The following EAF1 variants were observed in gnomAD, a reference collection of about 807,000 sequenced individuals.
The protein encoded by EAF1 is ELL-associated factor 1.
Under a neutral mutation model 26.6 loss-of-function variants are expected in EAF1, and 19 were observed. That is an observed-to-expected ratio of 0.71 (90% CI 0.50 to 1.05). EAF1 has a LOEUF of 1.05. Among genes scored for constraint, EAF1 ranks in the 50% least tolerant of loss-of-function variants. The pLI is 0.00. For synonymous variants in EAF1, 102 were observed against 120.6 expected (o/e 0.85, Z 1.01); for missense variants, 260 against 335.5 (o/e 0.78, Z 1.76).
chr3:15,435,386 CAT>C (rs1156246043), intron 4 of EAF1, among the ~76,000 whole-genome samples: 1 of 152,032 alleles, frequency 6.6e-6, no homozygotes, highest in Non-Finnish European at 1.5e-5. Context: ...AGTAGGGAAA[CAT>C]AAAGAGTTGT....
intron 2 of EAF1, among the ~76,000 whole-genome samples, chr3:15,431,373 G>A (rs1395467207): frequency 6.6e-6 from 1 of 152,192 alleles, no homozygotes; most frequent in Non-Finnish European, 1.5e-5. Flanking sequence ...TTTAAAGAGA[G>A]GGGGCAGGAT....
At chr3:15,436,949 G>A (rs1457776662) in intron 5 of EAF1, among the ~76,000 whole-genome samples, 1 of 152,124 alleles carries the variant, frequency 6.6e-6, no homozygotes, top group Non-Finnish European at 1.5e-5. Context: ...AGGCTGGAGT[G>A]CAATGGTGCA....
Position 15,436,430 on chromosome 3 carries a change from T to C in EAF1, c.615T>C (p.Asp205=), listed in dbSNP as rs777984333. The C allele has an allele frequency of 6.2e-7, 1 of 1,613,978 alleles. No homozygotes were observed. Among genetic ancestry groups the C allele is most frequent in the Admixed American group, 1.7e-5 (1 of 60,016 alleles). ...SSDSESSSGS[D]DDSSSSGGED... ...ACTCTGAGAGCTCTTCGGGAAGTGATGACGATAGCTCCAGCAGTGGAGGCG... is the reference window on the plus strand; with the variant it reads ...ACTCTGAGAGCTCTTCGGGAAGTGACGACGATAGCTCCAGCAGTGGAGGCG... The change falls in exon 5 of 6, where the codon GAT becomes GAC. Residue 205 remains aspartate, a synonymous_variant. Transcript: ENST00000396842.
chr3:15,427,758 G>T lies in EAF1; in HGVS notation c.-22G>T. 1.3e-6 allele frequency: 2 copies of T among 1,550,098 alleles called. No individual in the cohort carries two copies. Among genetic ancestry groups the T allele is most frequent in the East Asian group, 2.4e-5 (1 of 40,874 alleles). On this transcript the variant is annotated 5_prime_UTR_variant, in exon 1 of 6. Coordinates refer to ENST00000396842, the MANE Select transcript of EAF1 (RefSeq NM_033083.7). Reference sequence around the variant, plus strand: ...GCTGCACCGGGAGAGCGCCGATCTGGGTGCGAGGCAGGTGCGGGGCCATGA... The same window carrying T: ...GCTGCACCGGGAGAGCGCCGATCTGTGTGCGAGGCAGGTGCGGGGCCATGA...
rs1317915682 is a variant in EAF1, at chr3:15,439,374, A to G, written c.*219A>G. On this transcript the variant is annotated 3_prime_UTR_variant, in exon 6 of 6. Transcript: ENST00000396842. ...CAATCTCATCTTTCAAAGTTTAAGT[A>G]GACCTGTAGAAGAGCTAACAGAATT... The G allele has an allele frequency of 2.2e-6, 1 of 462,644 alleles. No individual in the cohort carries two copies. The highest frequency in any genetic ancestry group is 2.0e-5 in the African/African-American group (1 of 50,632). The allele number at this position is 462,644 out of a possible 1,614,324, so 28.7% of individuals were successfully genotyped here. A position where few individuals can be genotyped will look rare whatever the true frequency, so the allele number is the denominator to read the frequency against.
At chr3:15,437,264 T>C (rs1487805513) in intron 5 of EAF1, among the ~76,000 whole-genome samples, 33 of 124,112 alleles carry the variant, frequency 2.7e-4, no homozygotes, top group African/African-American at 9.2e-4. Flanking sequence ...TTTTTTTTTT[T>C]CCTTCAGACA....
At chr3:15,435,237 C>G (rs2061827965) in intron 4 of EAF1, among the ~76,000 whole-genome samples, 1 of 152,234 alleles carries the variant, frequency 6.6e-6, no homozygotes, top group Admixed American at 6.5e-5. Context: ...GTTCTCTCCA[C>G]TGCAAACCTG....
chr3:15,429,796 A>G, intron 1 of EAF1, 117 bp from the exon 2 acceptor site: 1 of 709,780 alleles, frequency 1.4e-6, no homozygotes, highest in Non-Finnish European at 2.4e-6. Flanking sequence ...AAGAATTCTA[A>G]ATTATTTTTA....
At chr3:15,434,676 G>C (rs1178178511) in intron 4 of EAF1, 138 bp downstream of exon 4, 30 of 1,042,822 alleles carry the variant, frequency 2.9e-5, no homozygotes, top group Non-Finnish European at 3.9e-5. Context: ...AGAGCTCACT[G>C]TTCAGAGATG....
At chr3:15,432,043 C>A in intron 2 of EAF1, 44 bp from the exon 3 acceptor site, 3 of 1,583,200 alleles carry the variant, frequency 1.9e-6, no homozygotes, top group Non-Finnish European at 2.6e-6. Flanking sequence ...ATATTCATAA[C>A]TGGTATGTTT....
intron 3 of EAF1, among the ~76,000 whole-genome samples, chr3:15,432,791 AT>A (rs879743151): frequency 2.2e-3 from 314 of 145,792 alleles, no homozygotes; most frequent in South Asian, 4.7e-3. Context: ...ATAATACAGT[AT>A]TTTTTTTTTT....
At chr3:15,438,342 C>T (rs2125068564) in intron 5 of EAF1, among the ~76,000 whole-genome samples, 1 of 152,206 alleles carries the variant, frequency 6.6e-6, no homozygotes, top group South Asian at 2.1e-4. Context: ...ACGTGACTAT[C>T]CTGGACAGAG....
chr3:15,436,706 A>G, intron 5 of EAF1, 131 bp downstream of exon 5: 1 of 741,498 alleles, frequency 1.3e-6, no homozygotes, highest in Non-Finnish European at 2.1e-6. Flanking sequence ...AGTTTGGAGC[A>G]GAAAGGTGTG....
intron 5 of EAF1, among the ~76,000 whole-genome samples, chr3:15,438,314 G>T (rs969520059): frequency 2.6e-5 from 4 of 152,150 alleles, no homozygotes; most frequent in African/African-American, 9.7e-5. Context: ...CGTTAGTTCA[G>T]ATTTGAAATT....
chr3:15,427,901 C>T lies in EAF1; in HGVS notation c.103+19C>T, dbSNP rs775341002. On this transcript the variant is annotated intron_variant, in intron 1 of 5. Coordinates refer to ENST00000396842, the MANE Select transcript of EAF1 (RefSeq NM_033083.7). Reference sequence around the variant, plus strand: ...ATTCGTTGTAAGTCAGCGCTCCCCACGGTTCCCTTCGGCCGCTCCAGCCGC... The same window carrying T: ...ATTCGTTGTAAGTCAGCGCTCCCCATGGTTCCCTTCGGCCGCTCCAGCCGC... 3.8e-5 allele frequency: 57 copies of T among 1,518,306 alleles called. 1 individual carries two copies. Among genetic ancestry groups the T allele is most frequent in the Admixed American group, 2.3e-4 (11 of 48,240 alleles). 94.1% of individuals were successfully genotyped at this position (1,518,306 alleles called of 1,614,324 possible).
At chr3:15,435,786 C>A (rs1239937005) in intron 4 of EAF1, among the ~76,000 whole-genome samples, 1 of 152,182 alleles carries the variant, frequency 6.6e-6, no homozygotes, top group Non-Finnish European at 1.5e-5. Flanking sequence ...TTCCTGCAAA[C>A]CTCCATTTAT....
At chr3:15,432,688 C>T (rs965498879) in intron 3 of EAF1, among the ~76,000 whole-genome samples, 2 of 152,064 alleles carry the variant, frequency 1.3e-5, no homozygotes, top group African/African-American at 2.4e-5. Context: ...TCAACAGTTG[C>T]TACATGTCTA....
chr3:15,430,234 G>A (rs1307057743), intron 2 of EAF1, among the ~76,000 whole-genome samples: 1 of 151,890 alleles, frequency 6.6e-6, no homozygotes. Flanking sequence ...GGAAGTGGGT[G>A]GATAGCTTGA....
intron 5 of EAF1, among the ~76,000 whole-genome samples, chr3:15,437,742 T>C (rs567555311): frequency 2.0e-5 from 3 of 152,224 alleles, no homozygotes; most frequent in South Asian, 4.1e-4. Flanking sequence ...TTTAAGGAAG[T>C]TGGAAGGTCT....
Sources: gnomAD v4.1 joint callset for allele counts (sites outside exome capture counted in the v4.1 genomes callset) on GRCh38, gnomAD v4.1.1 for gene constraint, MANE v1.5 for transcripts, NCBI Gene and HGNC (gene_info 2026-07-23, HGNC 2026-07-21) for gene names.